The following KLHL15 variants were observed in gnomAD, a reference collection of about 807,000 sequenced individuals.
KLHL15 encodes the protein kelch like family member 15.
KLHL15 carries 1 observed loss-of-function variant against 29.3 expected under a neutral mutation model. That is an observed-to-expected ratio of 0.03 (90% confidence interval 0.01 to 0.16). KLHL15 has a LOEUF of 0.16. KLHL15 is among the 10% of genes least tolerant of loss of function. The probability of loss-of-function intolerance (pLI) is 1.00; values close to 1 mark genes in which losing one functional copy is unlikely to be tolerated. For missense variants in KLHL15, 215 were observed against 478.5 expected, an observed-to-expected ratio of 0.45 and a Z score of 5.14; for synonymous variants, 212 against 184.5, an observed-to-expected ratio of 1.15 and a Z score of -1.21.
chrX:23,988,533 G>A lies in KLHL15; in HGVS notation c.1203C>T (p.Ile401=). 8.3e-7 allele frequency: 1 copy of A among 1,211,734 alleles called. No homozygotes were observed. Among genetic ancestry groups the A allele is most frequent in the Non-Finnish European group, 1.1e-6 (1 of 895,453 alleles). The change falls in exon 4 of 4, where the codon ATC becomes ATT. Residue 401 remains isoleucine, a synonymous_variant. Transcript: ENST00000328046. The part of the protein sequence containing the change: ...ETFYSTERYD[I]TNDKWEFVDP... ...CCACAAATTCCCATTTATCGTTGGT[G>A]ATGTCATATCTCTCAGTTGAATAGA...
chrX:23,994,241 A>C (rs914451766), intron 3 of KLHL15, among the ~76,000 whole-genome samples: 1 of 111,505 alleles, frequency 9.0e-6, no homozygotes, highest in African/African-American at 3.3e-5. Flanking sequence ...ACACAAGAGA[A>C]GACTCAGAAA....
chrX:24,026,945 C>T (rs1929944864), intron 1 of KLHL15, among the ~76,000 whole-genome samples, 195 bp downstream of exon 1: 1 of 112,278 alleles, frequency 8.9e-6, no homozygotes, highest in Non-Finnish European at 1.9e-5. Flanking sequence ...TCTATTACTA[C>T]ATGACAAATT....
intron 3 of KLHL15, among the ~76,000 whole-genome samples, chrX:24,001,802 C>CAAAAAAAAAAAAAAAAAAAAAAAAA (rs766669649): frequency 8.8e-5 from 2 of 22,666 alleles, no homozygotes; most frequent in Non-Finnish European, 1.5e-4. Context: ...AGACTTGACT[C>CAAAAAAAAAAAAAAAAAAAAAAAAA]AAAAAAAAAA....
chrX:23,987,669 G>A lies in KLHL15; in HGVS notation c.*252C>T. ...TTTAAAGCAGAAAATCAATATCCCA[G>A]ATAAGTGGAGCATTCTATTCAACTG... On this transcript the variant is annotated 3_prime_UTR_variant, in exon 4 of 4. Transcript: ENST00000328046. The A allele has an allele frequency of 3.3e-6, 1 of 302,537 alleles. No individual in the cohort carries two copies. The highest frequency in any genetic ancestry group is 5.7e-6 in the Non-Finnish European group (1 of 174,082). The allele number at this position is 302,537 out of a possible 1,213,427, so 24.9% of individuals were successfully genotyped here.
intron 2 of KLHL15, among the ~76,000 whole-genome samples, chrX:24,008,888 AC>A (rs1929514555): frequency 2.8e-5 from 3 of 108,304 alleles, no homozygotes; most frequent in African/African-American, 1.0e-4. Flanking sequence ...AAAAAACAAA[AC>A]AAAAAAAAAA....
chrX:24,020,619 G>A (rs1392784857), intron 2 of KLHL15, among the ~76,000 whole-genome samples: 1 of 111,072 alleles, frequency 9.0e-6, no homozygotes, highest in African/African-American at 3.3e-5. Context: ...CTGCTTGAAT[G>A]CTATTTTTCA....
intron 2 of KLHL15, among the ~76,000 whole-genome samples, chrX:24,022,756 G>A (rs1334149536): frequency 1.1e-4 from 11 of 101,027 alleles, no homozygotes; most frequent in African/African-American, 2.6e-4. Context: ...TTTTGCTCTC[G>A]TCGCCCAGGC....
Position 24,008,969 on chromosome X carries a change from C to A in KLHL15, c.-7-2269G>T, listed in dbSNP as rs1033907748. On this transcript the variant is annotated intron_variant, in intron 2 of 3. Coordinates refer to ENST00000328046, the MANE Select transcript of KLHL15 (RefSeq NM_030624.3). ...GCTTTCTATTGTTCTTTTTCTATAA[C>A]TTGGCCTTTTGCTCAGATAAAAATC... is the stretch of plus-strand genomic sequence containing the variant. Among the ~76,000 whole-genome samples, 3 of 110,274 alleles carry A rather than the reference C, an allele frequency of 2.7e-5. No individual in the cohort carries two copies. In the Admixed American group the frequency reaches 2.9e-4, roughly 11 times the overall value.
chrX:23,990,877 G>A (rs1290396676), intron 3 of KLHL15, among the ~76,000 whole-genome samples: 1 of 110,224 alleles, frequency 9.1e-6, no homozygotes, highest in Non-Finnish European at 1.9e-5. Context: ...AACAAAAAAC[G>A]TCACAAATTT....
intron 2 of KLHL15, among the ~76,000 whole-genome samples, chrX:24,019,061 G>A (rs965392944): frequency 2.1e-4 from 24 of 111,727 alleles, no homozygotes; most frequent in African/African-American, 7.5e-4. Context: ...GTTTTCTAGA[G>A]GTTTACACAT....
intron 2 of KLHL15, among the ~76,000 whole-genome samples, chrX:24,017,779 CAAAAAAAAA>C (rs531099917): frequency 1.4e-3 from 59 of 42,496 alleles, no homozygotes; most frequent in Admixed American, 4.4e-3. Flanking sequence ...GACCATGTCC[CAAAAAAAAA>C]AAAAAAAAAA....
chrX:24,013,405 G>A (rs1409638521), intron 2 of KLHL15, among the ~76,000 whole-genome samples: 1 of 110,761 alleles, frequency 9.0e-6, no homozygotes, highest in African/African-American at 3.3e-5. Flanking sequence ...TGGGATTAGA[G>A]ATACACGCCA....
At chrX:24,016,633 C>T (rs1196735898) in intron 2 of KLHL15, among the ~76,000 whole-genome samples, 1 of 109,490 alleles carries the variant, frequency 9.1e-6, no homozygotes, top group Non-Finnish European at 1.9e-5. Context: ...CACCACTGCA[C>T]TCCAGCCTGG....
At chrX:24,009,884 G>A (rs1468618522) in intron 2 of KLHL15, among the ~76,000 whole-genome samples, 1 of 104,390 alleles carries the variant, frequency 9.6e-6, no homozygotes, top group Non-Finnish European at 2.0e-5. Flanking sequence ...CAGCTACTTG[G>A]GAGGCTGAGG....
At chrX:24,018,189 C>T (rs777491776) in intron 2 of KLHL15, among the ~76,000 whole-genome samples, 8 of 111,760 alleles carry the variant, frequency 7.2e-5, no homozygotes, top group South Asian at 7.3e-4. Context: ...GAGACAGCCG[C>T]GGCAGCAGTA....
intron 2 of KLHL15, among the ~76,000 whole-genome samples, chrX:24,022,988 G>A (rs1411270085): frequency 9.0e-6 from 1 of 111,386 alleles, no homozygotes; most frequent in Non-Finnish European, 1.9e-5. Context: ...GCCCGCCTCG[G>A]CCTCCCAAAG....
intron 1 of KLHL15, among the ~76,000 whole-genome samples, chrX:24,026,034 G>C (rs1929927519): frequency 8.9e-6 from 1 of 111,738 alleles, no homozygotes; most frequent in Non-Finnish European, 1.9e-5. Flanking sequence ...GCCACGGTGG[G>C]GGTGGGGGAA....
chrX:24,008,165 A>T (rs773096467), intron 2 of KLHL15, among the ~76,000 whole-genome samples: 5 of 112,464 alleles, frequency 4.4e-5, no homozygotes, highest in Non-Finnish European at 9.4e-5. Flanking sequence ...AATTAAACCA[A>T]ATCTTTCCAT....
At chrX:24,010,941 T>C (rs184802619) in intron 2 of KLHL15, among the ~76,000 whole-genome samples, 1 of 110,544 alleles carries the variant, frequency 9.0e-6, no homozygotes, top group African/African-American at 3.3e-5. Context: ...TGAGTGCCAT[T>C]TGGGAATCCC....
Sources: allele counts gnomAD v4.1 joint callset (sites outside exome capture counted in the v4.1 genomes callset), GRCh38; gene constraint gnomAD v4.1.1; transcripts MANE v1.5; gene names NCBI Gene and HGNC (gene_info 2026-07-23, HGNC 2026-07-21).